ST8SIA1: variants seen among roughly 807,000 people sequenced by gnomAD.
ST8SIA1 encodes the protein alpha-N-acetylneuraminide alpha-2,8-sialyltransferase.
Under a neutral mutation model 35.9 loss-of-function variants are expected in ST8SIA1, and 16 were observed. That is an observed-to-expected ratio of 0.45 (90% confidence interval 0.30 to 0.68). The LOEUF is 0.68. Ranked by LOEUF, ST8SIA1 falls within the 30% of genes least tolerant of loss-of-function variation. ST8SIA1 has a pLI of 0.09. For synonymous variants in ST8SIA1, 170 were observed against 169.6 expected, an observed-to-expected ratio of 1.00 and a Z score of -0.02; for missense variants, 383 against 453.6, an observed-to-expected ratio of 0.84 and a Z score of 1.41.
chr12:22,271,757 A>T (rs1865914001), intron 2 of ST8SIA1, among the ~76,000 whole-genome samples: 1 of 152,136 alleles, frequency 6.6e-6, no homozygotes, highest in Admixed American at 6.6e-5. Context: ...TCTGTGTCCT[A>T]CATCAGCCTT....
chr12:22,218,485 G>A (rs1285018869), intron 4 of ST8SIA1, among the ~76,000 whole-genome samples: 2 of 150,816 alleles, frequency 1.3e-5, no homozygotes, highest in African/African-American at 2.4e-5. Context: ...AGGCATGGTG[G>A]CGGGCACCCA....
rs73270039 is a variant in ST8SIA1 at position 22,258,370 on chromosome 12, T to C, written c.382-2981A>G. ...ATGCAGTCAGGGAGTTGGTCTTTCC[T>C]GGAGATAGAAAATAGAGAGTGATCA... On this transcript the variant is annotated intron_variant, in intron 2 of 4. Transcript: ENST00000396037. 3.9e-4 allele frequency among the ~76,000 whole-genome samples: 60 copies of C among 151,998 alleles called. 1 individual carries two copies. The highest frequency in any genetic ancestry group is 1.4e-3 in the African/African-American group (60 of 41,438).
chr12:22,229,080 G>A (rs1865388197), intron 4 of ST8SIA1, among the ~76,000 whole-genome samples: 1 of 146,366 alleles, frequency 6.8e-6, no homozygotes, highest in Admixed American at 6.8e-5. Context: ...AAAAGTAATG[G>A]GGAGCCAGTG....
chr12:22,321,474 C>T (rs948528877), intron 1 of ST8SIA1, among the ~76,000 whole-genome samples: 1 of 152,204 alleles, frequency 6.6e-6, no homozygotes, highest in Admixed American at 6.5e-5. Context: ...GTGGGCTCCA[C>T]CTCAGCGATT....
At chr12:22,269,343 A>C (rs1865885255) in intron 2 of ST8SIA1, among the ~76,000 whole-genome samples, 2 of 152,308 alleles carry the variant, frequency 1.3e-5, no homozygotes, top group South Asian at 4.1e-4. Context: ...GCTTCTTTTC[A>C]AAATAACATT....
intron 1 of ST8SIA1, among the ~76,000 whole-genome samples, chr12:22,309,371 G>C (rs952785127): frequency 1.3e-5 from 2 of 152,070 alleles, no homozygotes; most frequent in Admixed American, 6.6e-5. Flanking sequence ...GAGTGGTTTT[G>C]GCCAGTCTAT....
chr12:22,330,468 T>C (rs1866747976), intron 1 of ST8SIA1, among the ~76,000 whole-genome samples: 1 of 152,210 alleles, frequency 6.6e-6, no homozygotes, highest in Non-Finnish European at 1.5e-5. Flanking sequence ...TAGAAAGGGA[T>C]ACAGCCAGAA....
intron 4 of ST8SIA1, 160 bp downstream of exon 4, chr12:22,248,846 T>A: frequency 1.8e-6 from 1 of 569,436 alleles, no homozygotes; most frequent in Non-Finnish European, 3.1e-6. Flanking sequence ...ATTCCCATAA[T>A]CCTGTTTTCT....
intron 4 of ST8SIA1, among the ~76,000 whole-genome samples, chr12:22,232,218 C>T (rs7134252): frequency 0.74 from 111,820 of 152,088 alleles, 41,338 homozygotes; most frequent in Middle Eastern, 0.87. Flanking sequence ...AGTTACTAAA[C>T]AGCACAGTGG....
At chr12:22,273,543 G>T (rs1424437044) in intron 2 of ST8SIA1, among the ~76,000 whole-genome samples, 2 of 152,044 alleles carry the variant, frequency 1.3e-5, no homozygotes, top group Non-Finnish European at 2.9e-5. Context: ...CTTCTTCCTG[G>T]TCATGAGACA....
At chr12:22,248,398 C>T (rs1293353656) in intron 4 of ST8SIA1, among the ~76,000 whole-genome samples, 1 of 151,966 alleles carries the variant, frequency 6.6e-6, no homozygotes, top group Non-Finnish European at 1.5e-5. Context: ...GAGACTGACC[C>T]CCTCCCCCAC....
chr12:22,254,375 G>T (rs1390210846), intron 3 of ST8SIA1, among the ~76,000 whole-genome samples: 1 of 151,856 alleles, frequency 6.6e-6, no homozygotes, highest in Non-Finnish European at 1.5e-5. Context: ...CCTCACCCCT[G>T]CTCTGAATGA....
chr12:22,302,851 C>A (rs1422079809), intron 1 of ST8SIA1, among the ~76,000 whole-genome samples: 1 of 152,062 alleles, frequency 6.6e-6, no homozygotes, highest in Non-Finnish European at 1.5e-5. Context: ...AGGGTGCAAC[C>A]ATTTGTCTCT....
chr12:22,237,962 C>T (rs184036529), intron 4 of ST8SIA1, among the ~76,000 whole-genome samples: 1 of 152,154 alleles, frequency 6.6e-6, no homozygotes, highest in African/African-American at 2.4e-5. Context: ...CCTCTTTCAA[C>T]CTTTTGGAGA....
In ST8SIA1 at chr12:22,255,310, CG is replaced by C. The variant is rs775337193; in HGVS notation, c.460del (p.Arg154ValfsTer3). 1.2e-6 allele frequency: 2 copies of C among 1,614,164 alleles called. No homozygotes were observed. The highest frequency in any genetic ancestry group is 2.2e-5 in the South Asian group (2 of 91,084). On this transcript the variant is annotated frameshift_variant, in exon 3 of 5. Coordinates refer to ENST00000396037, the MANE Select transcript of ST8SIA1 (RefSeq NM_003034.4). LOFTEE classifies it high-confidence loss of function. ...GACAAAATTTGCTTCATCTATTTGA[CG>C]GCCACAGCCACTCTTCTTCAGAATC... is the stretch of plus-strand genomic sequence containing the variant. ...GGILKKSGCG[R>X]QIDEANFVMR...
In ST8SIA1 at chr12:22,334,385, C is replaced by T; in HGVS notation, c.-153G>A. The T allele has an allele frequency of 1.6e-6, 1 of 623,960 alleles. No homozygotes were observed. The highest frequency in any genetic ancestry group is 2.8e-6 in the Non-Finnish European group (1 of 358,220). 38.7% of individuals were successfully genotyped at this position (623,960 alleles called of 1,614,324 possible). On this transcript the variant is annotated 5_prime_UTR_variant, in exon 1 of 5. Transcript: ENST00000396037. ...ACGCACGCTTCTTCGGCCCCGTCGGCCCCAAAGGTCAGCGCAAGGATTTTT... is the reference window on the plus strand; with the variant it reads ...ACGCACGCTTCTTCGGCCCCGTCGGTCCCAAAGGTCAGCGCAAGGATTTTT...
intron 1 of ST8SIA1, among the ~76,000 whole-genome samples, chr12:22,289,176 G>A (rs913188042): frequency 1.3e-5 from 2 of 152,158 alleles, no homozygotes; most frequent in South Asian, 2.1e-4. Flanking sequence ...TCACCAGCAC[G>A]ATGCTAAATC....
chr12:22,301,100 T>C (rs1170078648), intron 1 of ST8SIA1, among the ~76,000 whole-genome samples: 1 of 152,090 alleles, frequency 6.6e-6, no homozygotes, highest in Non-Finnish European at 1.5e-5. Flanking sequence ...TCTTTGTCAA[T>C]TGTGTCTTTG....
At chr12:22,288,831 A>G (rs879782487) in intron 1 of ST8SIA1, among the ~76,000 whole-genome samples, 2 of 151,930 alleles carry the variant, frequency 1.3e-5, no homozygotes, top group Non-Finnish European at 2.9e-5. Flanking sequence ...ATTCATTTTT[A>G]TTGGTGTTTT....
Sources: gnomAD v4.1 joint callset for allele counts (sites outside exome capture counted in the v4.1 genomes callset) on GRCh38, gnomAD v4.1.1 for gene constraint, MANE v1.5 for transcripts, NCBI Gene and HGNC (gene_info 2026-07-23, HGNC 2026-07-21) for gene names.